Variants in ZNF398 observed in about 807,000 individuals in gnomAD.
The protein encoded by ZNF398 is zinc finger protein 398.
Under a neutral mutation model 41.9 loss-of-function variants are expected in ZNF398, and 18 were observed. The observed-to-expected ratio is 0.43, with a 90% confidence interval of 0.30 to 0.64. The LOEUF is 0.64. Among genes scored for constraint, ZNF398 ranks in the 30% least tolerant of loss-of-function variants. ZNF398 has a pLI of 0.14. For synonymous variants in ZNF398, 260 were observed against 308.8 expected (o/e 0.84, Z 1.66); for missense variants, 669 against 822.8 (o/e 0.81, Z 2.29).
chr7:149,158,696 T>C (rs1795034386), intron 2 of ZNF398, among the ~76,000 whole-genome samples: 1 of 151,842 alleles, frequency 6.6e-6, no homozygotes, highest in Non-Finnish European at 1.5e-5. Context: ...TAGCTGGGCA[T>C]GGTGGCGCAT....
intron 2 of ZNF398, among the ~76,000 whole-genome samples, chr7:149,165,213 C>A (rs573570055): frequency 6.6e-6 from 1 of 151,972 alleles, no homozygotes; most frequent in Non-Finnish European, 1.5e-5. Context: ...GAGTTCGAAC[C>A]GAATGCTGAA....
chr7:149,138,054 A>C (rs1260979282), intron 2 of ZNF398, among the ~76,000 whole-genome samples: 2 of 151,844 alleles, frequency 1.3e-5, no homozygotes, highest in African/African-American at 4.8e-5. Context: ...ACAAAAAATT[A>C]GTTGCGCATG....
intron 2 of ZNF398, among the ~76,000 whole-genome samples, chr7:149,135,316 G>C (rs1184878380): frequency 2.0e-5 from 3 of 150,450 alleles, no homozygotes; most frequent in Non-Finnish European, 4.4e-5. Context: ...CATGAACCTG[G>C]GAGGTGGAGC....
intron 1 of ZNF398, among the ~76,000 whole-genome samples, chr7:149,152,772 T>C (rs1794878473): frequency 6.6e-6 from 1 of 151,596 alleles, no homozygotes. Flanking sequence ...TCCACGTTGG[T>C]CAGGCAGGTC....
At position 149,166,831 on chromosome 7, in the gene ZNF398, C is replaced by A. The variant is rs745813941; in HGVS notation, c.562C>A (p.Gln188Lys). Residue 188 changes from glutamine (Q) to lysine (K), a missense_variant, in exon 4 of 6, where the codon CAA (glutamine) becomes AAA (lysine). Physicochemically the swap from Gln to Lys is moderately conservative, Grantham distance 53. Coordinates refer to ENST00000475153, the MANE Select transcript of ZNF398 (RefSeq NM_170686.3). ...SLISMDYAIN[Q>K]PDVLSQIQPE... ...TCCTCTCCTAGATTATGCTATAAAT[C>A]AACCTGATGTCTTATCTCAGATTCA... 8.1e-6 allele frequency: 13 copies of A among 1,611,016 alleles called. No homozygotes were observed. The highest frequency in any genetic ancestry group is 1.0e-5 in the Non-Finnish European group (12 of 1,177,846).
Position 149,180,965 on chromosome 7 carries a change from T to C in ZNF398, c.*1164T>C, listed in dbSNP as rs1795576697. 1 of 152,614 alleles carries C rather than the reference T, an allele frequency of 6.6e-6. No individual in the cohort carries two copies. Among genetic ancestry groups the C allele is most frequent in the South Asian group, 2.1e-4 (1 of 4,838 alleles). 9.5% of individuals were successfully genotyped at this position (152,614 alleles called of 1,614,324 possible). A position where few individuals can be genotyped will look rare whatever the true frequency, so the allele number is the denominator to read the frequency against. On this transcript the variant is annotated 3_prime_UTR_variant, in exon 6 of 6. Coordinates refer to ENST00000475153, the MANE Select transcript of ZNF398 (RefSeq NM_170686.3). ...CTAGATCACTGAGAGCTAAGCACCA[T>C]GCATAGACAACAGTTTGTTCTTGCC... is the stretch of plus-strand genomic sequence containing the variant.
At chr7:149,163,251 C>G (rs755038699) in intron 2 of ZNF398, among the ~76,000 whole-genome samples, 4 of 152,072 alleles carry the variant, frequency 2.6e-5, no homozygotes, top group Non-Finnish European at 4.4e-5. Flanking sequence ...GTCGCCCAGG[C>G]TGGAGTGCAG....
In ZNF398 at chr7:149,178,987, G is replaced by T. The variant is rs755841041; in HGVS notation, c.1115G>T (p.Cys372Phe). The T allele has an allele frequency of 4.3e-6, 7 of 1,613,946 alleles. No individual in the cohort carries two copies. The highest frequency in any genetic ancestry group is 5.1e-6 in the Non-Finnish European group (6 of 1,180,022). Residue 372 changes from cysteine (C) to phenylalanine (F), a missense_variant, in exon 6 of 6, where the codon TGT (cysteine) becomes TTT (phenylalanine). Cys to Phe is a radical substitution (Grantham distance 205). Coordinates refer to ENST00000475153, the MANE Select transcript of ZNF398 (RefSeq NM_170686.3). Reference protein sequence around the residue: ...CSHATEHPLPCAQCPKHFTPQ... With the variant: ...CSHATEHPLPFAQCPKHFTPQ... Reference sequence around the variant, plus strand: ...CATGCTACTGAGCACCCCTTACCCTGTGCCCAGTGCCCTAAGCACTTTACT... The same window carrying T: ...CATGCTACTGAGCACCCCTTACCCTTTGCCCAGTGCCCTAAGCACTTTACT...
intron 5 of ZNF398, 121 bp from the exon 6 acceptor site, chr7:149,178,527 C>T: frequency 1.3e-6 from 1 of 772,386 alleles, no homozygotes; most frequent in Non-Finnish European, 2.1e-6. Context: ...GTTATTATTG[C>T]AGCCTTCTGC....
chr7:149,127,113 A>C lies in ZNF398; in HGVS notation c.-612+458A>C, dbSNP rs1018170703. Among the ~76,000 whole-genome samples, 8 of 152,288 alleles carry C rather than the reference A, an allele frequency of 5.3e-5. No individual in the cohort carries two copies. The East Asian group carries it at 5.8e-4, about 11-fold the overall frequency. Reference sequence around the variant, plus strand: ...CAGGGCGTGAGAAACACGAAGACGCAAAAACGGGAGAGGTGGGAAGACGCA... The same window carrying C: ...CAGGGCGTGAGAAACACGAAGACGCCAAAACGGGAGAGGTGGGAAGACGCA... On this transcript the variant is annotated intron_variant, in intron 1 of 6. Coordinates refer to the ZNF398 transcript ENST00000426851.
chr7:149,147,492 C>CGGGTG lies in ZNF398; in HGVS notation c.-249_-245dup, dbSNP rs1826978080. 1 of 303,450 alleles carries CGGGTG rather than the reference C, an allele frequency of 3.3e-6. No homozygotes were observed. The highest frequency in any genetic ancestry group is 5.2e-5 in the Admixed American group (1 of 19,300). 18.8% of individuals were successfully genotyped at this position (303,450 alleles called of 1,614,324 possible). Reference sequence around the variant, plus strand: ...CAAAGCGCCAGCTGAGGGGCCGCTGCGGGTGGAGTGCGGCGGAGTCGGCCT... The same window carrying CGGGTG: ...CAAAGCGCCAGCTGAGGGGCCGCTGCGGGTGGGGTGGAGTGCGGCGGAGTCGGCCT... On this transcript the variant is annotated 5_prime_UTR_variant, in exon 1 of 6. Transcript: ENST00000475153. This position sits in a 1 kb window ranked among gnomAD's most constrained non-coding sequence, Gnocchi z 5.6.
At position 149,179,951 on chromosome 7, in the gene ZNF398, C is replaced by T. The variant is rs992386979; in HGVS notation, c.*150C>T. 102 of 695,116 alleles carry T rather than the reference C, an allele frequency of 1.5e-4. No individual in the cohort carries two copies. The African/African-American group carries it at 1.5e-3, about 10-fold the overall frequency. 43.1% of individuals were successfully genotyped at this position (695,116 alleles called of 1,614,324 possible). A position where few individuals can be genotyped will look rare whatever the true frequency, so the allele number is the denominator to read the frequency against. ...TCCTATACACTTGACTAGAGACATG[C>T]TTGTGTTTTGGAATTTCACACCCTT... is the stretch of plus-strand genomic sequence containing the variant. On this transcript the variant is annotated 3_prime_UTR_variant, in exon 6 of 6. Transcript: ENST00000475153. This position sits in a 1 kb window ranked among gnomAD's most constrained non-coding sequence, Gnocchi z 6.1.
rs1027906088 is a variant in ZNF398 at position 149,147,862 on chromosome 7, T to C, written c.24+96T>C. On this transcript the variant is annotated intron_variant, in intron 1 of 5. Coordinates refer to ENST00000475153, the MANE Select transcript of ZNF398 (RefSeq NM_170686.3). The surrounding 1 kb of genome is among the most constrained non-coding windows in gnomAD (Gnocchi z 5.6). ...AGGGAGCTGCCAGGCATAGGCGCCGTTCTCGGGTCCCGCCGGCCACGTCGC... is the reference window on the plus strand; with the variant it reads ...AGGGAGCTGCCAGGCATAGGCGCCGCTCTCGGGTCCCGCCGGCCACGTCGC... The C allele has an allele frequency of 7.8e-7, 1 of 1,278,082 alleles. No individual in the cohort carries two copies. The allele number at this position is 1,278,082 out of a possible 1,614,324, so 79.2% of individuals were successfully genotyped here. A position where few individuals can be genotyped will look rare whatever the true frequency, so the allele number is the denominator to read the frequency against.
intron 1 of ZNF398, among the ~76,000 whole-genome samples, chr7:149,127,548 C>CAAAAAAAAAAAAAAAAAA (rs61080328): frequency 1.3e-5 from 1 of 74,892 alleles, no homozygotes. Context: ...ACTAAAAATA[C>CAAAAAAAAAAAAAAAAAA]AAAAAAAAAA....
chr7:149,145,289 A>G (rs181509995), upstream of ZNF398, among the ~76,000 whole-genome samples: 100 of 152,312 alleles, frequency 6.6e-4, 2 homozygotes, highest in East Asian at 0.016. Context: ...CACCACACAC[A>G]TGAAACCGCC....
intron 2 of ZNF398, among the ~76,000 whole-genome samples, chr7:149,133,027 G>A (rs117103373): frequency 1.7e-3 from 253 of 152,018 alleles, no homozygotes; most frequent in Non-Finnish European, 2.9e-3. Context: ...CTATATCAGC[G>A]GTGAGGACAA....
At position 149,151,455 on chromosome 7, in the gene ZNF398, G is replaced by T. The variant is rs531897102; in HGVS notation, c.25-2490G>T. ...AAAGATGGGAGGTTGTCGTCAGAGA[G>T]TGGCTTATCAGGTTCATAGAGTTAG... is the stretch of plus-strand genomic sequence containing the variant. On this transcript the variant is annotated intron_variant, in intron 1 of 5. Transcript: ENST00000475153. Among the ~76,000 whole-genome samples the T allele has an allele frequency of 2.0e-5, 3 of 152,310 alleles. No homozygotes were observed. The South Asian group carries it at 6.2e-4, about 32-fold the overall frequency.
chr7:149,153,962 C>T lies in ZNF398; in HGVS notation c.42C>T (p.Ser14=), dbSNP rs147933821. ...GCATGCAGACATCTGAATGGGACTC[C>T]GAGTGCCTTACATCCCTGCAGCCCC... The part of the protein sequence containing the change: ...AAPAPTSEWD[S]ECLTSLQPLP... The change falls in exon 2 of 6, where the codon TCC becomes TCT. Residue 14 remains serine, a synonymous_variant. Transcript: ENST00000475153. The T allele has an allele frequency of 1.5e-3, 2,382 of 1,611,704 alleles. 3 individuals are homozygous for T. The highest frequency in any genetic ancestry group is 1.9e-3 in the South Asian group (173 of 90,806).
chr7:149,167,581 TTC>T (rs1396725692), intron 4 of ZNF398, among the ~76,000 whole-genome samples: 1 of 152,148 alleles, frequency 6.6e-6, no homozygotes, highest in Non-Finnish European at 1.5e-5. Context: ...TTATATGAAC[TTC>T]TCTTACAACC....
Sources: gnomAD v4.1 joint callset for allele counts (sites outside exome capture counted in the v4.1 genomes callset) on GRCh38, gnomAD v4.1.1 for gene constraint, Gnocchi (gnomAD v3.1) non-coding constraint, MANE v1.5 for transcripts, NCBI Gene and HGNC (gene_info 2026-07-23, HGNC 2026-07-21) for gene names.